LRRTM3: variants seen among roughly 807,000 people sequenced by gnomAD.
LRRTM3 encodes the protein leucine rich repeat transmembrane neuronal 3.
A neutral mutation model predicts 44.7 loss-of-function variants in LRRTM3; 24 were observed. The observed-to-expected ratio is 0.54, with a 90% CI of 0.39 to 0.76. LRRTM3 has a LOEUF of 0.76. LRRTM3 is among the 30% of genes least tolerant of loss of function. The pLI is 0.00. For missense variants in LRRTM3, 587 were observed against 702.2 expected (o/e 0.84, Z 1.85); for synonymous variants, 277 against 278.7 (o/e 0.99, Z 0.06).
chr10:67,050,377 T>C lies in LRRTM3; in HGVS notation c.1537-47210T>C, dbSNP rs551173888. 8.9e-4 allele frequency among the ~76,000 whole-genome samples: 136 copies of C among 152,304 alleles called. 2 individuals are homozygous for C. Among genetic ancestry groups the C allele is most frequent in the Middle Eastern group, 3.4e-3 (1 of 294 alleles). On this transcript the variant is annotated intron_variant, in intron 2 of 2. Transcript: ENST00000361320. ...ATTTTATAGAGAGGAAAATATATCT[T>C]TAGCTAAGGTGATGTAATTTGAAAA...
rs186527454 is a variant in LRRTM3 at position 67,098,524 on chromosome 10, G to A, written c.*728G>A. ...GACTTAACTGTTGCCTTGAATTACA[G>A]CCTAGTTTCTAAGCAGTGAAATGTA... On this transcript the variant is annotated 3_prime_UTR_variant, in exon 3 of 3. Coordinates refer to ENST00000361320, the MANE Select transcript of LRRTM3 (RefSeq NM_178011.5). The A allele has an allele frequency of 6.6e-6, 1 of 152,262 alleles. No homozygotes were observed. Among genetic ancestry groups the A allele is most frequent in the East Asian group, 1.9e-4 (1 of 5,162 alleles). The allele number at this position is 152,262 out of a possible 1,614,324, so 9.4% of individuals were successfully genotyped here. A position where few individuals can be genotyped will look rare whatever the true frequency, so the allele number is the denominator to read the frequency against.
In LRRTM3 at chr10:67,001,278, C is replaced by T. The variant is rs549219389; in HGVS notation, c.1536+72826C>T. Among the ~76,000 whole-genome samples the T allele has an allele frequency of 3.7e-5, 5 of 135,118 alleles. No individual in the cohort carries two copies. In the East Asian group the frequency reaches 6.4e-4, roughly 17 times the overall value. The allele number at this position is 135,118 out of a possible 152,430, so 88.6% of individuals were successfully genotyped here. A position where few individuals can be genotyped will look rare whatever the true frequency, so the allele number is the denominator to read the frequency against. On this transcript the variant is annotated intron_variant, in intron 2 of 2. Coordinates refer to ENST00000361320, the MANE Select transcript of LRRTM3 (RefSeq NM_178011.5). The stretch of plus-strand genomic sequence containing the variant: ...ATGGAGCCACTGCACTCCAGCCTGA[C>T]GACAGAGTGAGACTCTGTCTAAAAA...
At chr10:67,081,822 T>C (rs900488838) in intron 2 of LRRTM3, among the ~76,000 whole-genome samples, 1 of 152,198 alleles carries the variant, frequency 6.6e-6, no homozygotes, top group African/African-American at 2.4e-5. Context: ...AGGTCTTTCC[T>C]GATCCTAGCC....
At chr10:67,015,695 C>T (rs1589606187) in intron 2 of LRRTM3, among the ~76,000 whole-genome samples, 1 of 152,128 alleles carries the variant, frequency 6.6e-6, no homozygotes, top group Non-Finnish European at 1.5e-5. Context: ...AGATTCAAAT[C>T]TTTGTAACAA....
intron 2 of LRRTM3, among the ~76,000 whole-genome samples, chr10:66,943,737 C>T (rs1042824645): frequency 2.6e-5 from 4 of 152,060 alleles, no homozygotes; most frequent in Non-Finnish European, 5.9e-5. Flanking sequence ...GGTTTGGTTC[C>T]AGAACCCCAC....
At chr10:66,986,775 G>A (rs1850751333) in intron 2 of LRRTM3, among the ~76,000 whole-genome samples, 1 of 151,880 alleles carries the variant, frequency 6.6e-6, no homozygotes, top group Non-Finnish European at 1.5e-5. Flanking sequence ...AGTTAACATG[G>A]CAGTTAAATA....
At chr10:66,978,552 A>AATATATATATATATATATATAT (rs1554890349) in intron 2 of LRRTM3, among the ~76,000 whole-genome samples, 8 of 37,880 alleles carry the variant, frequency 2.1e-4, no homozygotes, top group East Asian at 3.5e-3. Context: ...AAAAAAAAAA[A>AATATATATATATATATATATAT]ATATATATAT....
chr10:66,940,330 C>T (rs1182319675), intron 2 of LRRTM3, among the ~76,000 whole-genome samples: 1 of 151,646 alleles, frequency 6.6e-6, no homozygotes, highest in South Asian at 2.1e-4. Context: ...CTCATCTCTA[C>T]AAAAAATGAA....
At chr10:67,023,481 C>A (rs1020026505) in intron 2 of LRRTM3, among the ~76,000 whole-genome samples, 2 of 152,096 alleles carry the variant, frequency 1.3e-5, no homozygotes, top group Non-Finnish European at 2.9e-5. Flanking sequence ...AAAATCTACC[C>A]CTAGAGCTGA....
At chr10:67,017,542 G>A (rs1049460995) in intron 2 of LRRTM3, among the ~76,000 whole-genome samples, 3 of 151,974 alleles carry the variant, frequency 2.0e-5, no homozygotes, top group African/African-American at 7.3e-5. Flanking sequence ...TCTATGGTTC[G>A]GCCTTTAAGA....
At position 66,970,360 on chromosome 10, in the gene LRRTM3, T is replaced by G. The variant is rs10997459; in HGVS notation, c.1536+41908T>G. ...GGAAGTCATCCATATATTACCTGCA[T>G]ACACAGTCAGCTTCTTCTCGATATA... On this transcript the variant is annotated intron_variant, in intron 2 of 2. Coordinates refer to ENST00000361320, the MANE Select transcript of LRRTM3 (RefSeq NM_178011.5). 0.025 allele frequency among the ~76,000 whole-genome samples: 3,872 copies of G among 152,236 alleles called. 401 individuals are homozygous for G. In the East Asian group the frequency reaches 0.36, roughly 14 times the overall value.
intron 2 of LRRTM3, among the ~76,000 whole-genome samples, chr10:66,997,360 T>C (rs139797003): frequency 2.6e-5 from 4 of 152,232 alleles, no homozygotes; most frequent in Admixed American, 6.5e-5. Context: ...CTTTCTTGTT[T>C]GTAAAAATTA....
At chr10:66,941,874 A>T (rs1361253949) in intron 2 of LRRTM3, among the ~76,000 whole-genome samples, 2 of 152,222 alleles carry the variant, frequency 1.3e-5, no homozygotes. Flanking sequence ...GACCTAAAAA[A>T]ACCACTTTAA....
intron 2 of LRRTM3, among the ~76,000 whole-genome samples, chr10:66,978,087 CACACAT>C (rs1191522767): frequency 4.0e-5 from 6 of 151,134 alleles, no homozygotes; most frequent in Non-Finnish European, 8.8e-5. Flanking sequence ...CACACACACA[CACACAT>C]GCGATGACGT....
intron 2 of LRRTM3, among the ~76,000 whole-genome samples, chr10:66,944,622 C>G (rs1453275984): frequency 6.6e-6 from 1 of 152,146 alleles, no homozygotes; most frequent in Admixed American, 6.5e-5. Flanking sequence ...GAATTATTAT[C>G]CAAGGCAGCA....
intron 2 of LRRTM3, among the ~76,000 whole-genome samples, chr10:66,956,007 C>G (rs1311959471): frequency 1.3e-5 from 2 of 152,026 alleles, no homozygotes; most frequent in Non-Finnish European, 2.9e-5. Context: ...ACTTGCAGAG[C>G]CTTTAAGGGA....
intron 2 of LRRTM3, among the ~76,000 whole-genome samples, chr10:66,929,975 C>CAT (rs1220995391): frequency 2.0e-5 from 3 of 152,170 alleles, no homozygotes; most frequent in Non-Finnish European, 2.9e-5. Flanking sequence ...TTGCCAACCC[C>CAT]TACATCTTTA....
chr10:66,974,137 A>G (rs1849890148), intron 2 of LRRTM3, among the ~76,000 whole-genome samples: 2 of 152,142 alleles, frequency 1.3e-5, no homozygotes, highest in Admixed American at 1.3e-4. Flanking sequence ...TGTCTCTATC[A>G]CCACAGATTA....
intron 2 of LRRTM3, among the ~76,000 whole-genome samples, chr10:66,968,627 A>G (rs1208747485): frequency 1.3e-5 from 2 of 152,114 alleles, no homozygotes; most frequent in Non-Finnish European, 2.9e-5. Flanking sequence ...CACTCAATAC[A>G]TATTCATTAA....
Sources: allele counts gnomAD v4.1 joint callset (sites outside exome capture counted in the v4.1 genomes callset), GRCh38; gene constraint gnomAD v4.1.1; transcripts MANE v1.5; gene names NCBI Gene and HGNC (gene_info 2026-07-23, HGNC 2026-07-21).